TMEM63A: variants seen among roughly 807,000 people sequenced by gnomAD.
The protein encoded by TMEM63A is mechanosensitive cation channel TMEM63A.
In TMEM63A, 76 loss-of-function variants were observed where a neutral mutation model predicts 100.6. That is an observed-to-expected ratio of 0.76 (90% CI 0.63 to 0.91). TMEM63A has a LOEUF of 0.91. Among genes scored for constraint, TMEM63A ranks in the 40% least tolerant of loss-of-function variants. TMEM63A has a pLI of 0.00. For synonymous variants in TMEM63A, 401 were observed against 401.1 expected (o/e 1.00, Z 0.00); for missense variants, 876 against 1,008.8 (o/e 0.87, Z 1.78).
chr1:225,855,714 C>A (rs1025385625), intron 18 of TMEM63A, among the ~76,000 whole-genome samples, 164 bp downstream of exon 18: 1 of 152,188 alleles, frequency 6.6e-6, no homozygotes, highest in Non-Finnish European at 1.5e-5. Flanking sequence ...CTACCAGAAA[C>A]CTGGCAGGGT....
intron 15 of TMEM63A, among the ~76,000 whole-genome samples, chr1:225,858,125 T>C (rs1669731058): frequency 6.6e-6 from 1 of 152,136 alleles, no homozygotes; most frequent in African/African-American, 2.4e-5. Context: ...CCGTGTGCTT[T>C]CCCAGGGAAT....
rs767432581 is a variant in TMEM63A at position 225,859,262 on chromosome 1, G to A, written c.1311C>T (p.Thr437=). 7 of 1,614,068 alleles carry A rather than the reference G, an allele frequency of 4.3e-6. No individual in the cohort carries two copies. The South Asian group carries it at 4.4e-5, about 10-fold the overall frequency. ...FTLFLGLFFL[T]TPSIILSTMD... is the part of the protein sequence containing the mutation. The stretch of plus-strand genomic sequence containing the variant: ...TGGTGGACAGGATGATGGAGGGTGT[G>A]GTCAGGAAAAATAGCCCCAGGAAGA... Residue 437 remains threonine (T), a synonymous_variant, in exon 15 of 25, where the codon ACC becomes ACT. Coordinates refer to ENST00000366835, the MANE Select transcript of TMEM63A (RefSeq NM_014698.3).
chr1:225,847,455 G>A, intron 23 of TMEM63A: 1 of 464,334 alleles, frequency 2.2e-6, no homozygotes, highest in Non-Finnish European at 3.8e-6. Context: ...AAGCACAAGA[G>A]AGCAGTTCTC....
downstream of TMEM63A, chr1:225,844,718 A>G (rs1668783176): frequency 1.1e-5 from 18 of 1,567,540 alleles, no homozygotes; most frequent in Non-Finnish European, 1.5e-5. Context: ...GTGGTGGGAT[A>G]AGTATAGCCT....
Position 225,877,461 on chromosome 1 carries a change from G to A in TMEM63A, c.120C>T (p.Thr40=), listed in dbSNP as rs752497371. 2.3e-5 allele frequency: 37 copies of A among 1,614,056 alleles called. No individual in the cohort carries two copies. The highest frequency in any genetic ancestry group is 1.6e-4 in the Middle Eastern group (1 of 6,084). The part of the protein sequence containing the change: ...SYCYNSAKNS[T]VLQGVTFGGI... ...CACCAAAGGTGACCCCCTGGAGCAC[G>A]GTGCTGTTTTTGGCCGAGTTGTAGC... Residue 40 remains threonine, a synonymous_variant, in exon 3 of 25, where the codon ACC becomes ACT. Coordinates refer to ENST00000366835, the MANE Select transcript of TMEM63A (RefSeq NM_014698.3).
chr1:225,847,110 C>G lies in TMEM63A; in HGVS notation c.2354G>C (p.Gly785Ala). ...QTYGAIHNIS[G>A]TIPGQCLAQS... is the part of the protein sequence containing the mutation. Reference sequence around the variant, plus strand: ...CGCCAAGCACTGTCCAGGGATAGTCCCGCTGATGTTGTGGATGGCACCATA... The same window carrying G: ...CGCCAAGCACTGTCCAGGGATAGTCGCGCTGATGTTGTGGATGGCACCATA... The change falls in exon 24 of 25, where the codon GGG (glycine) becomes GCG (alanine). Residue 785 changes from glycine to alanine, a missense_variant. This residue lies in a region of TMEM63A where 339 missense variants were observed against 342.3 expected (regional missense o/e 0.99). Coordinates refer to ENST00000366835, the MANE Select transcript of TMEM63A (RefSeq NM_014698.3). 6.2e-7 allele frequency: 1 copy of G among 1,613,914 alleles called. No individual in the cohort carries two copies. The highest frequency in any genetic ancestry group is 8.5e-7 in the Non-Finnish European group (1 of 1,180,032).
At chr1:225,854,578 A>G (rs1669518133) in intron 18 of TMEM63A, among the ~76,000 whole-genome samples, 1 of 152,226 alleles carries the variant, frequency 6.6e-6, no homozygotes, top group Non-Finnish European at 1.5e-5. Flanking sequence ...AAAGTTGTAG[A>G]GTAGCAGATT....
At chr1:225,871,819 A>T in intron 5 of TMEM63A, 168 bp downstream of exon 5, 1 of 593,542 alleles carries the variant, frequency 1.7e-6, no homozygotes. Flanking sequence ...CGGGTCATCC[A>T]GCTGCCATCC....
chr1:225,850,113 G>A lies in TMEM63A; in HGVS notation c.1904-34C>T, dbSNP rs187284954. The A allele has an allele frequency of 8.7e-4, 1,394 of 1,610,696 alleles. 11 individuals are homozygous for A. Among genetic ancestry groups the A allele is most frequent in the South Asian group, 1.1e-3 (101 of 90,724 alleles). ...GATGGGGCTGTGAGCTGGAGACCTCGCAGGGCCACACAGACACCTCTGTCC... is the reference window on the plus strand; with the variant it reads ...GATGGGGCTGTGAGCTGGAGACCTCACAGGGCCACACAGACACCTCTGTCC... On this transcript the variant is annotated intron_variant, in intron 20 of 24. Transcript: ENST00000366835.
At position 225,862,427 on chromosome 1, in the gene TMEM63A, G is replaced by A; in HGVS notation, c.951+28C>T. On this transcript the variant is annotated intron_variant, in intron 12 of 24. Coordinates refer to ENST00000366835, the MANE Select transcript of TMEM63A (RefSeq NM_014698.3). The surrounding 1 kb of genome is among the most constrained non-coding windows in gnomAD (Gnocchi z 5.1). The stretch of plus-strand genomic sequence containing the variant: ...GGGGCACCCCGATGCCAATGCCTCT[G>A]CTCCCAGCCGGGGGGTGGGACCCTT... 6.2e-7 allele frequency: 1 copy of A among 1,613,932 alleles called. No homozygotes were observed.
chr1:225,880,335 T>C (rs895443388), intron 1 of TMEM63A, among the ~76,000 whole-genome samples: 8 of 152,064 alleles, frequency 5.3e-5, no homozygotes, highest in Admixed American at 5.2e-4. Context: ...TCCCTCTGGC[T>C]CTCCATGGGA....
intron 4 of TMEM63A, among the ~76,000 whole-genome samples, chr1:225,872,271 C>T (rs982347751): frequency 1.6e-4 from 25 of 152,236 alleles, no homozygotes; most frequent in African/African-American, 5.3e-4. Flanking sequence ...CTATGTTATA[C>T]GGGATGAATA....
chr1:225,859,362 A>AG lies in TMEM63A; in HGVS notation c.1224-14dup. On this transcript the variant is annotated splice_polypyrimidine_tract_variant and intron_variant, in intron 14 of 24. Coordinates refer to ENST00000366835, the MANE Select transcript of TMEM63A (RefSeq NM_014698.3). ...AGAGAGGTTCTTCCTGCAGCGGGAG[A>AG]GGGGATACAGGTCTCGAGGCTTGTC... The AG allele has an allele frequency of 6.2e-7, 1 of 1,613,196 alleles. No homozygotes were observed. Among genetic ancestry groups the AG allele is most frequent in the Non-Finnish European group, 8.5e-7 (1 of 1,179,900 alleles).
chr1:225,857,386 G>T (rs1011676954), intron 15 of TMEM63A, among the ~76,000 whole-genome samples: 6 of 6,050 alleles, frequency 9.9e-4, no homozygotes, highest in Admixed American at 4.8e-3. Context: ...CGGCGGGGCG[G>T]GGGGGGGGGG....
Position 225,866,018 on chromosome 1 carries a change from G to C in TMEM63A, c.676-51C>G, listed in dbSNP as rs751080611. On this transcript the variant is annotated intron_variant, in intron 9 of 24. Coordinates refer to ENST00000366835, the MANE Select transcript of TMEM63A (RefSeq NM_014698.3). ...GAAGTCACCCACAAGCCAGTGTGCC[G>C]GTATGCTCAGGTTTCCTACCCAACT... The C allele has an allele frequency of 5.0e-6, 8 of 1,585,178 alleles. No individual in the cohort carries two copies. The Admixed American group carries it at 1.4e-4, about 27-fold the overall frequency.
At chr1:225,855,997 C>G in intron 17 of TMEM63A, 57 bp from the exon 18 acceptor site, 1 of 1,552,850 alleles carries the variant, frequency 6.4e-7, no homozygotes, top group East Asian at 2.3e-5. Flanking sequence ...ATTGTCACTA[C>G]ACATGCTTTC....
At chr1:225,841,823 C>T (rs572586267), downstream of TMEM63A, among the ~76,000 whole-genome samples, 2 of 152,136 alleles carry the variant, frequency 1.3e-5, no homozygotes, top group South Asian at 4.1e-4. Context: ...AGGATAGTCT[C>T]GAACTCCTTA....
At chr1:225,841,850 T>C (rs1443687688), downstream of TMEM63A, among the ~76,000 whole-genome samples, 1 of 150,318 alleles carries the variant, frequency 6.7e-6, no homozygotes, top group African/African-American at 2.5e-5. Flanking sequence ...GTGATCCACC[T>C]TTCTCACCCT....
At chr1:225,844,455 GC>G (rs56122788), downstream of TMEM63A, 68,312 of 1,613,560 alleles carry the variant, frequency 0.042, 1,617 homozygotes, top group Middle Eastern at 0.064. Flanking sequence ...TCACACAACT[GC>G]ATGTGGCACT....
Sources: gnomAD v4.1 joint callset for allele counts (sites outside exome capture counted in the v4.1 genomes callset) on GRCh38, gnomAD v4.1.1 for gene constraint, gnomAD v4.1.1 regional missense constraint, Gnocchi (gnomAD v3.1) non-coding constraint, MANE v1.5 for transcripts, NCBI Gene and HGNC (gene_info 2026-07-23, HGNC 2026-07-21) for gene names.